The following KCNK5 variants were observed in gnomAD, a reference collection of about 807,000 sequenced individuals.
KCNK5 encodes potassium channel subfamily K member 5.
Under a neutral mutation model 32.9 loss-of-function variants are expected in KCNK5, and 18 were observed. The ratio of observed to expected loss-of-function variants is 0.55; its 90% confidence interval spans 0.38 to 0.81. The LOEUF is 0.81. Among genes scored for constraint, KCNK5 ranks in the 30% least tolerant of loss-of-function variants. The pLI is 0.00. For missense variants in KCNK5, 507 were observed against 651.0 expected, an observed-to-expected ratio of 0.78 and a Z score of 2.41; for synonymous variants, 276 against 275.3, an observed-to-expected ratio of 1.00 and a Z score of -0.03.
chr6:39,200,814 C>T lies in KCNK5; in HGVS notation c.187-4827G>A, dbSNP rs115533605. Among the ~76,000 whole-genome samples, 380 of 151,982 alleles carry T rather than the reference C, an allele frequency of 2.5e-3. 1 individual carries two copies. Among genetic ancestry groups the T allele is most frequent in the Middle Eastern group, 0.014 (4 of 294 alleles). On this transcript the variant is annotated intron_variant, in intron 1 of 4. Transcript: ENST00000359534. Reference sequence around the variant, plus strand: ...TGACTGAGTAATCTTGACTCCCAGACATCCCCTCATCCCCCAAGGATCTGA... The same window carrying T: ...TGACTGAGTAATCTTGACTCCCAGATATCCCCTCATCCCCCAAGGATCTGA...
chr6:39,220,291 C>G (rs1771521691), intron 1 of KCNK5, among the ~76,000 whole-genome samples: 1 of 152,216 alleles, frequency 6.6e-6, no homozygotes, highest in Admixed American at 6.5e-5. Flanking sequence ...GAGGTGACAA[C>G]AGCCAGAAGT....
intron 1 of KCNK5, among the ~76,000 whole-genome samples, chr6:39,223,791 C>T (rs1304809878): frequency 6.6e-6 from 1 of 152,178 alleles, no homozygotes; most frequent in Admixed American, 6.5e-5. Flanking sequence ...GAGGTCAGGG[C>T]CAGCCAAGCA....
intron 1 of KCNK5, among the ~76,000 whole-genome samples, chr6:39,197,061 GC>G (rs35656423): frequency 0.038 from 5,835 of 152,332 alleles, 155 homozygotes; most frequent in South Asian, 0.098. Flanking sequence ...TAAATCTGGG[GC>G]TCAAGTCCTG....
In KCNK5 at chr6:39,190,816, C is replaced by T; in HGVS notation, c.*74G>A. On this transcript the variant is annotated 3_prime_UTR_variant, in exon 5 of 5. Coordinates refer to ENST00000359534, the MANE Select transcript of KCNK5 (RefSeq NM_003740.4). ...TGCCCCCCCACCAGGGGCCAGGCGTCCCGGTCATCTCGGGACACCCTAGGG... is the reference window on the plus strand; with the variant it reads ...TGCCCCCCCACCAGGGGCCAGGCGTTCCGGTCATCTCGGGACACCCTAGGG... 3.6e-6 allele frequency: 5 copies of T among 1,371,676 alleles called. No individual in the cohort carries two copies. Among genetic ancestry groups the T allele is most frequent in the Non-Finnish European group, 4.7e-6 (5 of 1,054,272 alleles). 85.0% of individuals were successfully genotyped at this position (1,371,676 alleles called of 1,614,324 possible).
chr6:39,214,059 CG>C (rs1413636283), intron 1 of KCNK5, among the ~76,000 whole-genome samples: 1 of 151,988 alleles, frequency 6.6e-6, no homozygotes, highest in African/African-American at 2.4e-5. Context: ...ATAACCCCAA[CG>C]GTGGGTAGGT....
chr6:39,206,650 C>T (rs764644280), intron 1 of KCNK5, among the ~76,000 whole-genome samples: 3 of 152,228 alleles, frequency 2.0e-5, no homozygotes, highest in Non-Finnish European at 4.4e-5. Context: ...CTCTCCAACA[C>T]AAATATCAAG....
Position 39,210,462 on chromosome 6 carries a change from C to T in KCNK5, c.187-14475G>A, listed in dbSNP as rs114726400. 8.3e-3 allele frequency among the ~76,000 whole-genome samples: 1,270 copies of T among 152,306 alleles called. 11 individuals are homozygous for T. Among genetic ancestry groups the T allele is most frequent in the Middle Eastern group, 0.024 (7 of 294 alleles). ...GGAGGCACAAAAATGTAGCTGGGCACACCTGCTATAAATGCCAGATCTAGC... is the reference window on the plus strand; with the variant it reads ...GGAGGCACAAAAATGTAGCTGGGCATACCTGCTATAAATGCCAGATCTAGC... On this transcript the variant is annotated intron_variant, in intron 1 of 4. Coordinates refer to ENST00000359534, the MANE Select transcript of KCNK5 (RefSeq NM_003740.4).
At chr6:39,195,654 T>C (rs1007847949) in intron 2 of KCNK5, among the ~76,000 whole-genome samples, 2 of 152,366 alleles carry the variant, frequency 1.3e-5, no homozygotes, top group Non-Finnish European at 2.9e-5. Flanking sequence ...GGCTGTGTCA[T>C]TGTTTCTGCT....
chr6:39,222,853 G>A (rs1284059318), intron 1 of KCNK5, among the ~76,000 whole-genome samples: 1 of 152,202 alleles, frequency 6.6e-6, no homozygotes, highest in East Asian at 1.9e-4. Flanking sequence ...GAAACAGAAA[G>A]GAGAATGGTG....
intron 1 of KCNK5, among the ~76,000 whole-genome samples, chr6:39,196,350 C>G (rs2113780680): frequency 6.6e-6 from 1 of 152,270 alleles, no homozygotes; most frequent in East Asian, 1.9e-4. Flanking sequence ...AAACATGTTC[C>G]CAGGTGATGC....
In KCNK5 at chr6:39,223,815, C is replaced by T. The variant is rs527798898; in HGVS notation, c.186+5111G>A. 9.2e-5 allele frequency among the ~76,000 whole-genome samples: 14 copies of T among 152,278 alleles called. 1 individual carries two copies. Among genetic ancestry groups the T allele is most frequent in the South Asian group, 4.1e-4 (2 of 4,832 alleles). ...GCCAGCCAAGCACAGCATCCAAAAC[C>T]GGGGGATTTTGTTTCTTCTAAACGC... On this transcript the variant is annotated intron_variant, in intron 1 of 4. Coordinates refer to ENST00000359534, the MANE Select transcript of KCNK5 (RefSeq NM_003740.4).
At chr6:39,206,169 C>T (rs892355602) in intron 1 of KCNK5, among the ~76,000 whole-genome samples, 4 of 152,164 alleles carry the variant, frequency 2.6e-5, no homozygotes, top group African/African-American at 9.7e-5. Flanking sequence ...GCAGGTGAGG[C>T]CCTGTCCACA....
Position 39,194,837 on chromosome 6 carries a change from C to A in KCNK5, c.299-77G>T, listed in dbSNP as rs375594090. On this transcript the variant is annotated intron_variant, in intron 2 of 4. Coordinates refer to ENST00000359534, the MANE Select transcript of KCNK5 (RefSeq NM_003740.4). The surrounding 1 kb of genome is among the most constrained non-coding windows in gnomAD (Gnocchi z 4.7). ...GGCCTTGCTTCCAACACACACACAG[C>A]CCGTTCTCTAAGATAAATTGATATT... 1.7e-5 allele frequency: 21 copies of A among 1,222,310 alleles called. No homozygotes were observed. In the East Asian group the frequency reaches 3.0e-4, roughly 18 times the overall value. 75.7% of individuals were successfully genotyped at this position (1,222,310 alleles called of 1,614,324 possible).
At chr6:39,220,173 G>T (rs1436076938) in intron 1 of KCNK5, among the ~76,000 whole-genome samples, 2 of 152,140 alleles carry the variant, frequency 1.3e-5, no homozygotes, top group African/African-American at 2.4e-5. Flanking sequence ...AACAAAGGGG[G>T]TCCTGCTACC....
At chr6:39,193,322 C>A (rs1770973909) in intron 4 of KCNK5, among the ~76,000 whole-genome samples, 1 of 152,196 alleles carries the variant, frequency 6.6e-6, no homozygotes, top group Admixed American at 6.5e-5. Flanking sequence ...TTGTGCCTCT[C>A]TTTCCTGTTC....
rs1771726877 is a variant in KCNK5, at chr6:39,229,216, C to T, written c.-105G>A. Reference sequence around the variant, plus strand: ...AAACAGCTGTTTGAATTTGGAGCTCCGCATGCGCAGTGCCCGGTACTCACC... The same window carrying T: ...AAACAGCTGTTTGAATTTGGAGCTCTGCATGCGCAGTGCCCGGTACTCACC... On this transcript the variant is annotated 5_prime_UTR_variant, in exon 1 of 5. Coordinates refer to ENST00000359534, the MANE Select transcript of KCNK5 (RefSeq NM_003740.4). 3 of 1,195,766 alleles carry T rather than the reference C, an allele frequency of 2.5e-6. No individual in the cohort carries two copies. The East Asian group carries it at 7.5e-5, about 30-fold the overall frequency. 74.1% of individuals were successfully genotyped at this position (1,195,766 alleles called of 1,614,324 possible).
Position 39,191,598 on chromosome 6 carries a change from C to T in KCNK5, c.792G>A (p.Lys264=). ...KAIKKRRRRR[K]ESFESSPHSR... Reference sequence around the variant, plus strand: ...AGTGTGGGGAGCTCTCAAAGGACTCCTTCCGTCGCCGCCGCCGCTTCTTAA... The same window carrying T: ...AGTGTGGGGAGCTCTCAAAGGACTCTTTCCGTCGCCGCCGCCGCTTCTTAA... The change falls in exon 5 of 5, where the codon AAG becomes AAA. Residue 264 remains lysine (K), a synonymous_variant. Coordinates refer to ENST00000359534, the MANE Select transcript of KCNK5 (RefSeq NM_003740.4). This position sits in a 1 kb window ranked among gnomAD's most constrained non-coding sequence, Gnocchi z 5.8. The T allele has an allele frequency of 6.2e-7, 1 of 1,614,008 alleles. No homozygotes were observed. Among genetic ancestry groups the T allele is most frequent in the Non-Finnish European group, 8.5e-7 (1 of 1,180,012 alleles).
chr6:39,229,406 A>G lies in KCNK5; in HGVS notation c.-295T>C, dbSNP rs1053237822. 7 of 447,188 alleles carry G rather than the reference A, an allele frequency of 1.6e-5. No homozygotes were observed. Among genetic ancestry groups the G allele is most frequent in the African/African-American group, 9.9e-5 (5 of 50,416 alleles). The allele number at this position is 447,188 out of a possible 1,614,324, so 27.7% of individuals were successfully genotyped here. A position where few individuals can be genotyped will look rare whatever the true frequency, so the allele number is the denominator to read the frequency against. ...GCGTAAGGAGCGGGAAGAACACAGG[A>G]CTTGACTCTGGGCAGACACGTGGGC... On this transcript the variant is annotated 5_prime_UTR_variant, in exon 1 of 5. Transcript: ENST00000359534.
In KCNK5 at chr6:39,190,190, C is replaced by A. The variant is rs1168233301; in HGVS notation, c.*700G>T. On this transcript the variant is annotated 3_prime_UTR_variant, in exon 5 of 5. Coordinates refer to ENST00000359534, the MANE Select transcript of KCNK5 (RefSeq NM_003740.4). ...GCTTGACCTGAGACAGGGAACACAG[C>A]TCTGGGCTGGGCCTGAGTAGACCAA... 2 of 152,426 alleles carry A rather than the reference C, an allele frequency of 1.3e-5. No individual in the cohort carries two copies. Among genetic ancestry groups the A allele is most frequent in the African/African-American group, 4.8e-5 (2 of 41,430 alleles). 9.4% of individuals were successfully genotyped at this position (152,426 alleles called of 1,614,324 possible).
Sources: gnomAD v4.1 joint callset for allele counts (sites outside exome capture counted in the v4.1 genomes callset) on GRCh38, gnomAD v4.1.1 for gene constraint, Gnocchi (gnomAD v3.1) non-coding constraint, MANE v1.5 for transcripts, NCBI Gene and HGNC (gene_info 2026-07-23, HGNC 2026-07-21) for gene names.